The following ZNF385D variants were observed in gnomAD, a reference collection of about 807,000 sequenced individuals.
ZNF385D encodes zinc finger protein 659.
A neutral mutation model predicts 35.8 loss-of-function variants in ZNF385D; 15 were observed. The observed-to-expected ratio is 0.42, with a 90% CI of 0.28 to 0.64. The LOEUF (loss-of-function observed/expected upper bound fraction) is 0.64. ZNF385D is among the 30% of genes least tolerant of loss of function. ZNF385D has a pLI of 0.23. For synonymous variants in ZNF385D, 212 were observed against 186.8 expected, an observed-to-expected ratio of 1.13 and a Z score of -1.10; for missense variants, 474 against 494.6, an observed-to-expected ratio of 0.96 and a Z score of 0.39.
At chr3:22,338,026 A>G (rs549085628) in intron 2 of ZNF385D, among the ~76,000 whole-genome samples, 1 of 152,346 alleles carries the variant, frequency 6.6e-6, no homozygotes, top group East Asian at 1.9e-4. Context: ...ATTTTTTCTC[A>G]TCCATAAGTC....
At chr3:22,097,831 C>G (rs749024075) in intron 3 of ZNF385D, among the ~76,000 whole-genome samples, 5 of 152,004 alleles carry the variant, frequency 3.3e-5, no homozygotes, top group Non-Finnish European at 7.4e-5. Flanking sequence ...CCTTAAATGT[C>G]AGGACTTTGA....
chr3:21,702,465 G>A (rs1187537908), intron 1 of ZNF385D, among the ~76,000 whole-genome samples: 3 of 152,304 alleles, frequency 2.0e-5, no homozygotes, highest in East Asian at 3.9e-4. Flanking sequence ...TGATGGGAGG[G>A]GCTGCTGTGA....
At chr3:22,219,222 T>G (rs1698089596) in intron 2 of ZNF385D, among the ~76,000 whole-genome samples, 1 of 152,260 alleles carries the variant, frequency 6.6e-6, no homozygotes, top group South Asian at 2.1e-4. Context: ...TCTGTAAAAA[T>G]TCCGTTTTCA....
At chr3:22,263,016 T>G (rs1209581648) in intron 2 of ZNF385D, among the ~76,000 whole-genome samples, 2 of 151,968 alleles carry the variant, frequency 1.3e-5, no homozygotes, top group Admixed American at 6.6e-5. Flanking sequence ...TGACATCTCT[T>G]AATCTAACAA....
chr3:21,624,855 T>A (rs2065093175), intron 2 of ZNF385D, among the ~76,000 whole-genome samples: 1 of 151,988 alleles, frequency 6.6e-6, no homozygotes, highest in Non-Finnish European at 1.5e-5. Flanking sequence ...CAAGTTTGAA[T>A]CCATTAAAGA....
intron 1 of ZNF385D, among the ~76,000 whole-genome samples, chr3:21,669,283 A>G (rs1429240270): frequency 6.6e-6 from 1 of 152,218 alleles, no homozygotes; most frequent in African/African-American, 2.4e-5. Flanking sequence ...GGTACTGAAT[A>G]ATTAATGTAA....
chr3:22,175,950 G>A (rs530064243), intron 2 of ZNF385D, among the ~76,000 whole-genome samples: 72 of 149,528 alleles, frequency 4.8e-4, no homozygotes, highest in African/African-American at 1.7e-3. Context: ...TATAACATTA[G>A]CATTTGAGAA....
At chr3:22,194,158 G>T (rs917978951) in intron 2 of ZNF385D, among the ~76,000 whole-genome samples, 1 of 147,900 alleles carries the variant, frequency 6.8e-6, no homozygotes, top group African/African-American at 2.4e-5. Flanking sequence ...CTTATGTTTA[G>T]TACATAACAA....
intron 4 of ZNF385D, among the ~76,000 whole-genome samples, chr3:21,506,751 T>A (rs1369835955): frequency 2.6e-5 from 4 of 152,198 alleles, no homozygotes; most frequent in Non-Finnish European, 4.4e-5. Context: ...ATATATTTTT[T>A]AAAAATATTA....
intron 2 of ZNF385D, among the ~76,000 whole-genome samples, chr3:22,348,682 G>GAAA (rs2125492760): frequency 6.9e-6 from 1 of 144,728 alleles, no homozygotes; most frequent in African/African-American, 2.6e-5. Context: ...AAGAAAGAAA[G>GAAA]GAAGGGAGGG....
intron 3 of ZNF385D, among the ~76,000 whole-genome samples, chr3:22,127,305 T>C (rs79865972): frequency 0.2 from 28,775 of 146,092 alleles, 3,483 homozygotes; most frequent in East Asian, 0.35. Flanking sequence ...GGTAGTATGT[T>C]TTCATTTCCT....
intron 3 of ZNF385D, among the ~76,000 whole-genome samples, chr3:21,794,754 A>G (rs1237073107): frequency 6.6e-6 from 1 of 152,182 alleles, no homozygotes. Context: ...CTTACACACC[A>G]GGAGTGTAAT....
intron 2 of ZNF385D, among the ~76,000 whole-genome samples, chr3:21,606,396 T>A (rs1241839505): frequency 6.6e-6 from 1 of 152,214 alleles, no homozygotes; most frequent in Non-Finnish European, 1.5e-5. Context: ...AGATTTTCTT[T>A]TTCTTATTAG....
intron 3 of ZNF385D, among the ~76,000 whole-genome samples, chr3:21,848,629 A>C (rs1392824418): frequency 1.3e-5 from 2 of 152,034 alleles, no homozygotes; most frequent in Non-Finnish European, 2.9e-5. Flanking sequence ...CAAATTGGAC[A>C]ATCTAAAAGA....
chr3:21,855,917 A>G (rs2125820053), intron 3 of ZNF385D, among the ~76,000 whole-genome samples: 1 of 152,096 alleles, frequency 6.6e-6, no homozygotes, highest in African/African-American at 2.4e-5. Flanking sequence ...GTGGTAGCTA[A>G]TAACAACATG....
intron 3 of ZNF385D, among the ~76,000 whole-genome samples, chr3:22,138,547 A>G (rs1408135746): frequency 2.6e-4 from 40 of 151,580 alleles, no homozygotes; most frequent in Admixed American, 2.6e-3. Flanking sequence ...GACAAACCTG[A>G]CAAAAACAAG....
rs56741212 is a variant in ZNF385D, at chr3:22,232,023, A to G, written c.107-62988T>C. 7.6e-3 allele frequency among the ~76,000 whole-genome samples: 1,159 copies of G among 152,156 alleles called. 15 individuals are homozygous for G. Among genetic ancestry groups the G allele is most frequent in the African/African-American group, 0.026 (1,079 of 41,514 alleles). The stretch of plus-strand genomic sequence containing the variant: ...CTGAGGCCCCCCAAAAGGAGAAGCC[A>G]CTATGTTTCCTGTACAGGCTGCACA... On this transcript the variant is annotated intron_variant, in intron 2 of 5. Coordinates refer to the ZNF385D transcript ENST00000494108.
At chr3:21,998,386 C>A (rs1260400313) in intron 3 of ZNF385D, among the ~76,000 whole-genome samples, 8 of 152,164 alleles carry the variant, frequency 5.3e-5, no homozygotes, top group African/African-American at 1.9e-4. Context: ...CCCTCCCAAG[C>A]TGAGCCCTAA....
At position 21,732,012 on chromosome 3, in the gene ZNF385D, T is replaced by A. The variant is rs182408048; in HGVS notation, c.22+18883A>T. On this transcript the variant is annotated intron_variant, in intron 1 of 7. Coordinates refer to ENST00000281523, the MANE Select transcript of ZNF385D (RefSeq NM_024697.3). ...TTATGAATAAAGCTTCTATTCAGGG[T>A]TTTTTTCTTTTTTCGGGGTTTTTTT... Among the ~76,000 whole-genome samples the A allele has an allele frequency of 1.2e-3, 174 of 147,154 alleles. 9 individuals carry two copies. In the East Asian group the frequency reaches 0.013, roughly 11 times the overall value.
Sources: gnomAD v4.1 joint callset for allele counts (sites outside exome capture counted in the v4.1 genomes callset) on GRCh38, gnomAD v4.1.1 for gene constraint, MANE v1.5 for transcripts, NCBI Gene and HGNC (gene_info 2026-07-23, HGNC 2026-07-21) for gene names.